FGD4: variants seen among roughly 807,000 people sequenced by gnomAD.
The protein encoded by FGD4 is FYVE, RhoGEF and PH domain-containing protein 4.
A neutral mutation model predicts 102.0 loss-of-function variants in FGD4; 42 were observed. The ratio of observed to expected loss-of-function variants is 0.41; its 90% CI spans 0.32 to 0.53. FGD4 has a LOEUF of 0.53. Ranked by LOEUF, FGD4 falls within the 20% of genes least tolerant of loss-of-function variation. FGD4 has a pLI of 0.21. For missense variants in FGD4, 902 were observed against 1,078.2 expected (o/e 0.84, Z 2.29); for synonymous variants, 380 against 375.7 (o/e 1.01, Z -0.13).
rs75545248 is a variant in FGD4, at chr12:32,530,876, G to T, written c.167-33261G>T. ...TACTGTTGACAATGAGGAGCATAGT[G>T]GATATACCAAAAATTATTTAGGGTT... is the stretch of plus-strand genomic sequence containing the variant. On this transcript the variant is annotated intron_variant, in intron 1 of 16. Transcript: ENST00000534526. Among the ~76,000 whole-genome samples, 171 of 149,092 alleles carry T rather than the reference G, an allele frequency of 1.1e-3. No individual in the cohort carries two copies. In the East Asian group the frequency reaches 0.028, roughly 24 times the overall value.
intron 1 of FGD4, chr12:32,486,040 G>A: frequency 6.7e-7 from 1 of 1,487,338 alleles, no homozygotes; most frequent in Admixed American, 2.4e-5. Flanking sequence ...AATGCCTATA[G>A]TTTCTACCAA....
At position 32,640,315 on chromosome 12, in the gene FGD4, G is replaced by A. The variant is rs1025052210; in HGVS notation, c.2494G>A (p.Val832Met). Reference sequence around the variant, plus strand: ...GGCCACCATTCCACTTCTGGGCTATGTGGTGGATGAAATGCCAAGGAGCGC... The same window carrying A: ...GGCCACCATTCCACTTCTGGGCTATATGGTGGATGAAATGCCAAGGAGCGC... ...AQATIPLLGY[V>M]VDEMPRSADL... The change falls in exon 17 of 17, where the codon GTG (valine) becomes ATG (methionine). Residue 832 changes from valine to methionine, a missense_variant. Val to Met is a conservative substitution (Grantham distance 21, BLOSUM62 1). Around this residue, in one of 2 missense-constraint regions of FGD4, gnomAD observed 459 missense variants for 619.0 expected, o/e 0.74. Transcript: ENST00000534526. The A allele has an allele frequency of 6.2e-7, 1 of 1,614,204 alleles. No individual in the cohort carries two copies. Among genetic ancestry groups the A allele is most frequent in the Non-Finnish European group, 8.5e-7 (1 of 1,180,026 alleles).
rs569012238 is a variant in FGD4, at chr12:32,623,500, G to A, written c.1923-922G>A. On this transcript the variant is annotated intron_variant, in intron 11 of 16. Transcript: ENST00000534526. ...AATCAATTTGCTGGAAAGATAGATCGTGACACACAAACAATCCTTCAGCCA... is the reference window on the plus strand; with the variant it reads ...AATCAATTTGCTGGAAAGATAGATCATGACACACAAACAATCCTTCAGCCA... Among the ~76,000 whole-genome samples, 250 of 152,184 alleles carry A rather than the reference G, an allele frequency of 1.6e-3. 1 individual carries two copies. The highest frequency in any genetic ancestry group is 3.1e-3 in the Non-Finnish European group (213 of 68,014).
intron 15 of FGD4, among the ~76,000 whole-genome samples, chr12:32,638,040 TG>T (rs1016157489): frequency 2.0e-5 from 3 of 152,172 alleles, no homozygotes; most frequent in Non-Finnish European, 4.4e-5. Context: ...CTTTCTTAAT[TG>T]AAGTAGGTAT....
At chr12:32,401,321 A>G (rs1396894363) in intron 1 of FGD4, among the ~76,000 whole-genome samples, 7 of 152,008 alleles carry the variant, frequency 4.6e-5, no homozygotes, top group Non-Finnish European at 1.0e-4. Flanking sequence ...GTGCAGTGGC[A>G]TGAACTCAGA....
Position 32,399,793 on chromosome 12 carries a change from G to T in FGD4, c.-1G>T. On this transcript the variant is annotated 5_prime_UTR_variant, in exon 1 of 17. Transcript: ENST00000534526. The stretch of plus-strand genomic sequence containing the variant: ...GGGGAGCGGCGGTCGAGCCCGGCAG[G>T]ATGAGCGACGAGGGCGGCTCCAACT... The T allele has an allele frequency of 1.3e-6, 2 of 1,530,526 alleles. No homozygotes were observed. The highest frequency in any genetic ancestry group is 1.7e-6 in the Non-Finnish European group (2 of 1,145,186). 94.8% of individuals were successfully genotyped at this position (1,530,526 alleles called of 1,614,324 possible). A position where few individuals can be genotyped will look rare whatever the true frequency, so the allele number is the denominator to read the frequency against.
chr12:32,626,642 G>A lies in FGD4; in HGVS notation c.2172+863G>A, dbSNP rs188840284. ...GAACGTTAGATAAATAATGGCCAAGGGATATCTATGAGAAACAAGAATAGA... is the reference window on the plus strand; with the variant it reads ...GAACGTTAGATAAATAATGGCCAAGAGATATCTATGAGAAACAAGAATAGA... On this transcript the variant is annotated intron_variant, in intron 14 of 16. Transcript: ENST00000534526. 1.4e-3 allele frequency among the ~76,000 whole-genome samples: 212 copies of A among 152,028 alleles called. 2 individuals are homozygous for A. The highest frequency in any genetic ancestry group is 4.8e-3 in the African/African-American group (199 of 41,462).
intron 2 of FGD4, among the ~76,000 whole-genome samples, chr12:32,568,411 A>C (rs530136915): frequency 4.7e-4 from 72 of 152,340 alleles, no homozygotes; most frequent in Middle Eastern, 3.4e-3. Flanking sequence ...TAATAGTCAA[A>C]CAAATTACTG....
At chr12:32,537,324 T>C (rs1175177329) in intron 1 of FGD4, among the ~76,000 whole-genome samples, 1 of 152,182 alleles carries the variant, frequency 6.6e-6, no homozygotes, top group Non-Finnish European at 1.5e-5. Context: ...AAACTGACTA[T>C]GTCTTATTGC....
At chr12:32,632,996 A>G (rs541986561) in intron 14 of FGD4, among the ~76,000 whole-genome samples, 1 of 151,130 alleles carries the variant, frequency 6.6e-6, no homozygotes, top group South Asian at 2.1e-4. Flanking sequence ...AAAAGAAGCC[A>G]AACTAAAACG....
At chr12:32,552,841 G>A (rs190228943) in intron 1 of FGD4, among the ~76,000 whole-genome samples, 16 of 149,164 alleles carry the variant, frequency 1.1e-4, no homozygotes, top group African/African-American at 3.5e-4. Flanking sequence ...GCAATGGCGC[G>A]ATCTTGGCTC....
chr12:32,576,273 A>G lies in FGD4; in HGVS notation c.327A>G (p.Pro109=). 1 of 1,597,898 alleles carries G rather than the reference A, an allele frequency of 6.3e-7. No homozygotes were observed. The highest frequency in any genetic ancestry group is 8.5e-7 in the Non-Finnish European group (1 of 1,170,664). ...SAASPKPQVP[P]KPLHLQNSPS... ...TCTATTCTTTTTCTACAGTGCCTCC[A>G]AAGCCATTACACCTGCAGAATTCAC... Residue 109 remains proline (P), a synonymous_variant, in exon 3 of 17, where the codon CCA becomes CCG. Coordinates refer to ENST00000534526, the MANE Select transcript of FGD4 (RefSeq NM_001370298.3).
intron 1 of FGD4, among the ~76,000 whole-genome samples, chr12:32,436,794 C>G (rs1040118889): frequency 6.6e-6 from 1 of 152,114 alleles, no homozygotes; most frequent in Non-Finnish European, 1.5e-5. Context: ...ACCTACACTA[C>G]CAGTACCATT....
rs1592517103 is a variant in FGD4 at position 32,640,896 on chromosome 12, A to G, written c.*363A>G. 1.9e-5 allele frequency: 9 copies of G among 471,778 alleles called. No homozygotes were observed. The East Asian group carries it at 3.6e-4, about 19-fold the overall frequency. 29.2% of individuals were successfully genotyped at this position (471,778 alleles called of 1,614,324 possible). On this transcript the variant is annotated 3_prime_UTR_variant, in exon 17 of 17. Transcript: ENST00000534526. ...TTCTCTTTCACATGTAGGACCTGGA[A>G]CAGTTTGAAAGATATACCTCCATGT...
chr12:32,426,033 T>C (rs1454927818), intron 1 of FGD4, among the ~76,000 whole-genome samples: 1 of 152,240 alleles, frequency 6.6e-6, no homozygotes, highest in Non-Finnish European at 1.5e-5. Flanking sequence ...ACTTCCTCTC[T>C]TCCTATTTGA....
At chr12:32,427,581 C>G (rs1314008121) in intron 1 of FGD4, among the ~76,000 whole-genome samples, 1 of 152,164 alleles carries the variant, frequency 6.6e-6, no homozygotes, top group Non-Finnish European at 1.5e-5. Flanking sequence ...TCTATTAGGT[C>G]TGCTTGGTCC....
At chr12:32,570,042 A>C (rs1945513371) in intron 2 of FGD4, among the ~76,000 whole-genome samples, 1 of 151,988 alleles carries the variant, frequency 6.6e-6, no homozygotes, top group African/African-American at 2.4e-5. Flanking sequence ...GGAGTTCGAG[A>C]CCAGCCTGGC....
Position 32,506,687 on chromosome 12 carries a change from C to T in FGD4, c.167-57450C>T, listed in dbSNP as rs1045229740. Among the ~76,000 whole-genome samples the T allele has an allele frequency of 6.6e-6, 1 of 152,162 alleles. No individual in the cohort carries two copies. Among genetic ancestry groups the T allele is most frequent in the Non-Finnish European group, 1.5e-5 (1 of 68,028 alleles). On this transcript the variant is annotated intron_variant, in intron 1 of 16. Coordinates refer to ENST00000534526, the MANE Select transcript of FGD4 (RefSeq NM_001370298.3). The surrounding 1 kb of genome is among the most constrained non-coding windows in gnomAD (Gnocchi z 4.5). ...AGACATTCACTGTCTTCATTGTTAA[C>T]GTTGCATTCATTCATCAGATATTTC...
At chr12:32,522,261 TG>T (rs113597372) in intron 1 of FGD4, among the ~76,000 whole-genome samples, 4,985 of 152,060 alleles carry the variant, frequency 0.033, 255 homozygotes, top group African/African-American at 0.11. Flanking sequence ...CTGTTGTGGG[TG>T]GGGGTGGATA....
Sources: gnomAD v4.1 joint callset for allele counts (sites outside exome capture counted in the v4.1 genomes callset) on GRCh38, gnomAD v4.1.1 for gene constraint, gnomAD v4.1.1 regional missense constraint, Gnocchi (gnomAD v3.1) non-coding constraint, MANE v1.5 for transcripts, NCBI Gene and HGNC (gene_info 2026-07-23, HGNC 2026-07-21) for gene names.